Variants in TGIF2 observed in about 807,000 individuals in gnomAD.
TGIF2 encodes TGFB induced factor homeobox 2, also known as homeobox protein TGIF2.
Under a neutral mutation model 15.1 loss-of-function variants are expected in TGIF2, and 5 were observed. The ratio of observed to expected loss-of-function variants is 0.33; its 90% CI spans 0.17 to 0.70. The LOEUF is 0.70. Among genes scored for constraint, TGIF2 ranks in the 30% least tolerant of loss-of-function variants. The pLI is 0.67. For missense variants in TGIF2, 264 were observed against 302.5 expected, an observed-to-expected ratio of 0.87 and a Z score of 0.94; for synonymous variants, 131 against 128.9, an observed-to-expected ratio of 1.02 and a Z score of -0.11.
chr20:36,582,448 C>G (rs62206108), intron 2 of TGIF2, among the ~76,000 whole-genome samples: 67 of 152,260 alleles, frequency 4.4e-4, no homozygotes, highest in Middle Eastern at 3.4e-3. Context: ...GACATTCCAC[C>G]TGACTGTGTT....
At chr20:36,580,085 ACTG>A (rs2038513585) in intron 2 of TGIF2, among the ~76,000 whole-genome samples, 1 of 151,958 alleles carries the variant, frequency 6.6e-6, no homozygotes, top group Non-Finnish European at 1.5e-5. Context: ...GCTGGCCCCC[ACTG>A]CTCCCTTCCT....
chr20:36,578,661 G>T, intron 1 of TGIF2, 80 bp from the exon 2 acceptor site: 1 of 1,436,288 alleles, frequency 7.0e-7, no homozygotes, highest in Non-Finnish European at 9.3e-7. Flanking sequence ...CCAGGCTCAA[G>T]TAATGCTGAG....
intron 2 of TGIF2, among the ~76,000 whole-genome samples, chr20:36,584,614 T>C (rs2038615719): frequency 6.6e-6 from 1 of 151,672 alleles, no homozygotes; most frequent in African/African-American, 2.4e-5. Context: ...TGGCGCAATC[T>C]CAGTTCACTG....
In TGIF2 at chr20:36,578,836, G is replaced by T; in HGVS notation, c.62G>T (p.Arg21Leu). ...GLLSLAGKRK[R>L]RGNLPKESVK... ...CTCTCCCTGGCGGGCAAAAGGAAGC[G>T]CAGGGGGAACCTGCCCAAGGAGTCG... The change falls in exon 2 of 3, where the codon CGC becomes CTC. Residue 21 changes from arginine to leucine, a missense_variant. By Grantham distance (102) the Arg-to-Leu change is moderately radical. Transcript: ENST00000373872. 3 of 1,614,160 alleles carry T rather than the reference G, an allele frequency of 1.9e-6. No homozygotes were observed. The highest frequency in any genetic ancestry group is 2.5e-6 in the Non-Finnish European group (3 of 1,180,006).
chr20:36,587,897 T>G (rs570496268), intron 2 of TGIF2, among the ~76,000 whole-genome samples: 1 of 151,862 alleles, frequency 6.6e-6, no homozygotes, highest in South Asian at 2.1e-4. Flanking sequence ...AAACCCCATC[T>G]CTACAAAAAA....
intron 2 of TGIF2, among the ~76,000 whole-genome samples, chr20:36,583,860 G>A (rs573205759): frequency 1.4e-4 from 21 of 152,200 alleles, no homozygotes; most frequent in African/African-American, 4.3e-4. Context: ...CTGAGCCACC[G>A]CACTCCAGCC....
At chr20:36,589,454 G>A (rs907536636) in intron 2 of TGIF2, among the ~76,000 whole-genome samples, 18 of 151,086 alleles carry the variant, frequency 1.2e-4, no homozygotes, top group African/African-American at 4.4e-4. Context: ...GTGCAATGGC[G>A]TGGTCATGGC....
chr20:36,586,262 A>G (rs561403107), intron 2 of TGIF2, among the ~76,000 whole-genome samples: 1 of 152,338 alleles, frequency 6.6e-6, no homozygotes, highest in South Asian at 2.1e-4. Flanking sequence ...AAGGACAAGT[A>G]ACCAGTAGGC....
rs560624399 is a variant in TGIF2 at position 36,591,211 on chromosome 20, C to G, written c.494C>G (p.Thr165Ser). 1 of 1,614,196 alleles carries G rather than the reference C, an allele frequency of 6.2e-7. No homozygotes were observed. The change falls in exon 3 of 3, where the codon ACT becomes AGT. Residue 165 changes from threonine to serine, a missense_variant. Physicochemically the swap from Thr to Ser is moderately conservative, Grantham distance 58 (BLOSUM62 1). Transcript: ENST00000373872. This position sits in a 1 kb window ranked among gnomAD's most constrained non-coding sequence, Gnocchi z 5.3. ...CTGGTGACCCCTGGTAGCACACTTA[C>G]TCTGCTGACCAGGGCTGAGGCTGGA... ...KPLVTPGSTL[T>S]LLTRAEAGSP... is the part of the protein sequence containing the mutation.
chr20:36,578,885 G>A lies in TGIF2; in HGVS notation c.111G>A (p.Leu37=). 4.3e-6 allele frequency: 7 copies of A among 1,614,188 alleles called. No homozygotes were observed. Among genetic ancestry groups the A allele is most frequent in the South Asian group, 1.1e-5 (1 of 91,084 alleles). Residue 37 remains leucine (L), a synonymous_variant, in exon 2 of 3, where the codon CTG becomes CTA. Coordinates refer to ENST00000373872, the MANE Select transcript of TGIF2 (RefSeq NM_021809.7). ...KESVKILRDW[L]YLHRYNAYPS... ...CGGTGAAGATCCTCCGGGACTGGCT[G>A]TACTTGCACCGCTACAACGCCTACC...
intron 1 of TGIF2, among the ~76,000 whole-genome samples, chr20:36,575,485 CAGA>C (rs1406653839): frequency 6.6e-6 from 1 of 152,196 alleles, no homozygotes; most frequent in Non-Finnish European, 1.5e-5. Context: ...TCACTGAGCC[CAGA>C]TCCCAGCTGC....
At chr20:36,585,689 G>A (rs1157693094) in intron 2 of TGIF2, among the ~76,000 whole-genome samples, 3 of 152,068 alleles carry the variant, frequency 2.0e-5, no homozygotes, top group Non-Finnish European at 2.9e-5. Flanking sequence ...CTGGGGCTAG[G>A]CAGTTGGGAG....
intron 2 of TGIF2, among the ~76,000 whole-genome samples, chr20:36,585,434 C>T (rs2038635830): frequency 6.8e-6 from 1 of 147,172 alleles, no homozygotes; most frequent in South Asian, 2.1e-4. Context: ...CACTGCACTC[C>T]AGCCTGGTCT....
In TGIF2 at chr20:36,591,722, C is replaced by A; in HGVS notation, c.*291C>A. The A allele has an allele frequency of 3.4e-6, 1 of 295,292 alleles. No homozygotes were observed. Among genetic ancestry groups the A allele is most frequent in the Non-Finnish European group, 6.4e-6 (1 of 156,530 alleles). The allele number at this position is 295,292 out of a possible 1,614,324, so 18.3% of individuals were successfully genotyped here. A position where few individuals can be genotyped will look rare whatever the true frequency, so the allele number is the denominator to read the frequency against. On this transcript the variant is annotated 3_prime_UTR_variant, in exon 3 of 3. Coordinates refer to ENST00000373872, the MANE Select transcript of TGIF2 (RefSeq NM_021809.7). This position sits in a 1 kb window ranked among gnomAD's most constrained non-coding sequence, Gnocchi z 5.3. ...CTGCTTCTCCAGAAAATCCCTGGGA[C>A]ACCTTTGTTCCAGCCTGGTTTCCTG...
At chr20:36,575,036 C>T (rs1055396543) in intron 1 of TGIF2, among the ~76,000 whole-genome samples, 7 of 152,008 alleles carry the variant, frequency 4.6e-5, no homozygotes, top group Non-Finnish European at 7.4e-5. Flanking sequence ...TGGAGTTTTC[C>T]CTGTCGGAGA....
At chr20:36,574,124 C>T (rs2038360051) in intron 1 of TGIF2, among the ~76,000 whole-genome samples, 1 of 150,240 alleles carries the variant, frequency 6.7e-6, no homozygotes, top group Admixed American at 6.6e-5. Context: ...AGCAGGGCCC[C>T]CCCGCCGCCG....
chr20:36,577,462 C>T (rs1398561567), intron 1 of TGIF2, among the ~76,000 whole-genome samples: 5 of 151,480 alleles, frequency 3.3e-5, no homozygotes, highest in South Asian at 2.1e-4. Flanking sequence ...CCACCCACCT[C>T]GGCCTCCCAA....
At position 36,592,130 on chromosome 20, in the gene TGIF2, G is replaced by GT. The variant is rs1017228845; in HGVS notation, c.*703dup. On this transcript the variant is annotated 3_prime_UTR_variant, in exon 3 of 3. Transcript: ENST00000373872. Reference sequence around the variant, plus strand: ...CAGTAGTGTGAAATTCCAAATGGTTGTTTTATCATTGGTTTGGTTTACCAA... The same window carrying GT: ...CAGTAGTGTGAAATTCCAAATGGTTGTTTTTATCATTGGTTTGGTTTACCAA... 2.2e-4 allele frequency: 32 copies of GT among 142,790 alleles called. No individual in the cohort carries two copies. Among genetic ancestry groups the GT allele is most frequent in the African/African-American group, 6.5e-4 (25 of 38,424 alleles). The allele number at this position is 142,790 out of a possible 1,614,324, so 8.8% of individuals were successfully genotyped here. A position where few individuals can be genotyped will look rare whatever the true frequency, so the allele number is the denominator to read the frequency against.
intron 1 of TGIF2, chr20:36,574,706 G>A (rs1405884903): frequency 6.6e-6 from 1 of 152,342 alleles, no homozygotes; most frequent in Non-Finnish European, 1.5e-5. Context: ...GGTGCGCGGA[G>A]TCGGCCCGGG....
Sources: gnomAD v4.1 joint callset for allele counts (sites outside exome capture counted in the v4.1 genomes callset) on GRCh38, gnomAD v4.1.1 for gene constraint, Gnocchi (gnomAD v3.1) non-coding constraint, MANE v1.5 for transcripts, NCBI Gene and HGNC (gene_info 2026-07-23, HGNC 2026-07-21) for gene names.